The following SPOCK1 variants were observed in gnomAD, a reference collection of about 807,000 sequenced individuals.
SPOCK1 encodes the protein SPARC (osteonectin), cwcv and kazal like domains proteoglycan 1.
A neutral mutation model predicts 55.3 loss-of-function variants in SPOCK1; 23 were observed. The ratio of observed to expected loss-of-function variants is 0.42; its 90% confidence interval spans 0.30 to 0.59. The LOEUF is 0.59. SPOCK1 is among the 20% of genes least tolerant of loss of function. SPOCK1 has a pLI of 0.22. For synonymous variants in SPOCK1, 226 were observed against 221.0 expected (o/e 1.02, Z -0.20); for missense variants, 499 against 552.5 (o/e 0.90, Z 0.97).
At chr5:137,088,464 C>A (rs900810019) in intron 5 of SPOCK1, among the ~76,000 whole-genome samples, 1 of 152,174 alleles carries the variant, frequency 6.6e-6, no homozygotes, top group Admixed American at 6.5e-5. Flanking sequence ...ACCTGATCGG[C>A]CTGCTTCCAG....
intron 3 of SPOCK1, among the ~76,000 whole-genome samples, chr5:137,194,177 G>T (rs1023392724): frequency 6.6e-6 from 1 of 152,168 alleles, no homozygotes; most frequent in African/African-American, 2.4e-5. Context: ...GAGAGCCTGG[G>T]CCAGCCACTC....
intron 3 of SPOCK1, among the ~76,000 whole-genome samples, chr5:137,255,679 AG>A: frequency 6.7e-6 from 1 of 150,232 alleles, no homozygotes; most frequent in African/African-American, 2.5e-5. Context: ...TGAAGGCAGG[AG>A]GAGAACTCAA....
intron 2 of SPOCK1, among the ~76,000 whole-genome samples, chr5:137,339,286 TA>T (rs1214833486): frequency 6.6e-6 from 1 of 152,252 alleles, no homozygotes; most frequent in Non-Finnish European, 1.5e-5. Flanking sequence ...GACCCAAACC[TA>T]AGTCAACTAA....
At chr5:137,289,032 C>A (rs1757318319) in intron 2 of SPOCK1, among the ~76,000 whole-genome samples, 1 of 152,174 alleles carries the variant, frequency 6.6e-6, no homozygotes, top group East Asian at 1.9e-4. Context: ...CCAACAGAAC[C>A]CAGCTTGAGT....
intron 2 of SPOCK1, among the ~76,000 whole-genome samples, chr5:137,396,255 T>G (rs533959214): frequency 6.6e-6 from 1 of 152,156 alleles, no homozygotes; most frequent in Non-Finnish European, 1.5e-5. Flanking sequence ...AGAAGTAACA[T>G]AGAAAACACC....
intron 2 of SPOCK1, among the ~76,000 whole-genome samples, chr5:137,458,393 C>T (rs1753411991): frequency 6.6e-6 from 1 of 152,158 alleles, no homozygotes; most frequent in Admixed American, 6.5e-5. Flanking sequence ...ACATATGTTA[C>T]TATTGTTTTT....
intron 2 of SPOCK1, among the ~76,000 whole-genome samples, chr5:137,269,915 TAA>T (rs926847151): frequency 3.4e-5 from 5 of 149,196 alleles, no homozygotes; most frequent in African/African-American, 1.2e-4. Context: ...GCCAGGCTTT[TAA>T]AAAAAAAAAT....
At chr5:137,437,348 C>T (rs534733957) in intron 2 of SPOCK1, among the ~76,000 whole-genome samples, 5 of 152,328 alleles carry the variant, frequency 3.3e-5, no homozygotes, top group African/African-American at 7.2e-5. Context: ...AAACAGAGGT[C>T]AGCCCTGATG....
chr5:137,435,170 G>T (rs1752833461), intron 2 of SPOCK1, among the ~76,000 whole-genome samples: 1 of 152,098 alleles, frequency 6.6e-6, no homozygotes, highest in Admixed American at 6.5e-5. Flanking sequence ...TCTCATTGCT[G>T]GATTTATAGC....
At chr5:137,174,325 C>T (rs1754811178) in intron 3 of SPOCK1, among the ~76,000 whole-genome samples, 2 of 152,254 alleles carry the variant, frequency 1.3e-5, no homozygotes, top group Non-Finnish European at 2.9e-5. Context: ...ATACTTCTGT[C>T]CCCTCCACGG....
chr5:137,056,436 G>A (rs932934530), intron 6 of SPOCK1, among the ~76,000 whole-genome samples: 6 of 152,028 alleles, frequency 3.9e-5, no homozygotes, highest in Admixed American at 3.9e-4. Flanking sequence ...CTGTCCTGGA[G>A]TGCAAAAACT....
chr5:137,323,042 C>T (rs1758006018), intron 2 of SPOCK1, among the ~76,000 whole-genome samples: 1 of 152,148 alleles, frequency 6.6e-6, no homozygotes, highest in Non-Finnish European at 1.5e-5. Flanking sequence ...TTATTTCATT[C>T]ACTCCATTCT....
intron 3 of SPOCK1, among the ~76,000 whole-genome samples, chr5:137,188,574 T>C (rs1561466090): frequency 1.3e-5 from 2 of 152,224 alleles, no homozygotes; most frequent in Non-Finnish European, 2.9e-5. Flanking sequence ...TTATGTGTTC[T>C]GACTGGTCCG....
chr5:137,180,597 GGTC>G (rs1294375988), intron 3 of SPOCK1, among the ~76,000 whole-genome samples: 2 of 152,126 alleles, frequency 1.3e-5, no homozygotes, highest in Non-Finnish European at 2.9e-5. Flanking sequence ...TGTACCAGGG[GGTC>G]GTTTGATTCC....
chr5:137,292,504 C>G (rs1348210541), intron 2 of SPOCK1, among the ~76,000 whole-genome samples: 2 of 133,492 alleles, frequency 1.5e-5, no homozygotes, highest in Non-Finnish European at 1.6e-5. Flanking sequence ...GCTGGGGCAG[C>G]TACCATGGGT....
At chr5:137,324,026 A>T (rs535479910) in intron 2 of SPOCK1, among the ~76,000 whole-genome samples, 1 of 152,356 alleles carries the variant, frequency 6.6e-6, no homozygotes, top group South Asian at 2.1e-4. Context: ...TTGCATTCCC[A>T]TGTCCAATGC....
At chr5:137,007,787 G>T (rs1400586395) in intron 6 of SPOCK1, among the ~76,000 whole-genome samples, 1 of 152,140 alleles carries the variant, frequency 6.6e-6, no homozygotes, top group Non-Finnish European at 1.5e-5. Flanking sequence ...TCTCATTACT[G>T]AGTATATACC....
At chr5:137,171,057 G>A (rs1409395472) in intron 3 of SPOCK1, among the ~76,000 whole-genome samples, 3 of 152,082 alleles carry the variant, frequency 2.0e-5, no homozygotes, top group African/African-American at 7.2e-5. Flanking sequence ...TTCCCAGTGG[G>A]GACAGTGTCC....
chr5:137,028,232 T>C (rs1002218184), intron 6 of SPOCK1, among the ~76,000 whole-genome samples: 1 of 152,112 alleles, frequency 6.6e-6, no homozygotes, highest in Non-Finnish European at 1.5e-5. Context: ...TGAGGACACA[T>C]GCTCTCTGGC....
Sources: allele counts gnomAD v4.1 joint callset (sites outside exome capture counted in the v4.1 genomes callset), GRCh38; gene constraint gnomAD v4.1.1; transcripts MANE v1.5; gene names NCBI Gene and HGNC (gene_info 2026-07-23, HGNC 2026-07-21).